The following GALNT13 variants were observed in gnomAD, a reference collection of about 807,000 sequenced individuals.
The protein encoded by GALNT13 is polypeptide N-acetylgalactosaminyltransferase 13, also known as UDP-GalNAc:polypeptide N-acetylgalactosaminyltransferase 13.
In GALNT13, 28 loss-of-function variants were observed where a neutral mutation model predicts 64.2. That is an observed-to-expected ratio of 0.44 (90% CI 0.32 to 0.60). The LOEUF is 0.60. Ranked by LOEUF, GALNT13 falls within the 20% of genes least tolerant of loss-of-function variation. The pLI, the probability that GALNT13 is intolerant of heterozygous loss-of-function variation, is 0.05. For synonymous variants in GALNT13, 214 were observed against 224.6 expected (o/e 0.95, Z 0.42); for missense variants, 577 against 669.8 (o/e 0.86, Z 1.53).
At chr2:153,838,757 T>A in the GALNT13 span, among the ~76,000 whole-genome samples, 4 of 151,890 alleles carry the variant, frequency 2.6e-5, no homozygotes, top group African/African-American at 9.7e-5. Context: ...TACTCAGGGA[T>A]CTATTCAGGA....
At chr2:153,914,425 A>T (rs1390503149) in intron 2 of GALNT13, among the ~76,000 whole-genome samples, 2 of 146,954 alleles carry the variant, frequency 1.4e-5, no homozygotes, top group African/African-American at 2.5e-5. Flanking sequence ...GCAAAGTTAC[A>T]GTGAGCTGAG....
In GALNT13 at chr2:154,113,018, T is replaced by C. The variant is rs199596748; in HGVS notation, c.143-27319T>C. ...GAATGCTGCTGCACACAACCCACTT[T>C]ATGGCTAGATGGGTCAGAAAGCACC... On this transcript the variant is annotated intron_variant, in intron 3 of 12. Transcript: ENST00000392825. Among the ~76,000 whole-genome samples the C allele has an allele frequency of 1.1e-4, 17 of 152,236 alleles. No homozygotes were observed. In the East Asian group the frequency reaches 2.9e-3, roughly 26 times the overall value.
At chr2:153,123,973 G>T in the GALNT13 span, among the ~76,000 whole-genome samples, 1 of 152,158 alleles carries the variant, frequency 6.6e-6, no homozygotes. Context: ...ACATATCAAT[G>T]CTAAGATGAG....
At position 154,216,454 on chromosome 2, in the gene GALNT13, T is replaced by A. The variant is rs142854080; in HGVS notation, c.312-25576T>A. Among the ~76,000 whole-genome samples, 709 of 152,226 alleles carry A rather than the reference T, an allele frequency of 4.7e-3. 5 individuals carry two copies. The highest frequency in any genetic ancestry group is 0.016 in the African/African-American group (652 of 41,562). ...GGTGAAGATGTAGTTGTTTTATAGA[T>A]CCCATTTTCTCAATACGAAGCAAAT... On this transcript the variant is annotated intron_variant, in intron 4 of 12. Transcript: ENST00000392825.
chr2:154,338,846 T>C (rs1480610167), intron 9 of GALNT13, among the ~76,000 whole-genome samples: 1 of 152,006 alleles, frequency 6.6e-6, no homozygotes, highest in Non-Finnish European at 1.5e-5. Context: ...AAAGGCAGGC[T>C]CCCTCATGAG....
the GALNT13 span, among the ~76,000 whole-genome samples, chr2:153,252,499 G>T: frequency 1.8e-3 from 270 of 149,920 alleles, 6 homozygotes; most frequent in East Asian, 0.041. Flanking sequence ...GTCAATTTTG[G>T]CTTTTGTTGC....
chr2:153,567,329 G>A, the GALNT13 span, among the ~76,000 whole-genome samples: 1 of 152,216 alleles, frequency 6.6e-6, no homozygotes, highest in Non-Finnish European at 1.5e-5. Flanking sequence ...AATCAGCAGT[G>A]TGAGGAATTC....
At chr2:154,251,193 G>A (rs75931422) in intron 7 of GALNT13, among the ~76,000 whole-genome samples, 3,224 of 152,096 alleles carry the variant, frequency 0.021, 79 homozygotes, top group African/African-American at 0.065. Flanking sequence ...GAATAATTTT[G>A]TCACATGAAC....
chr2:153,779,722 G>C, the GALNT13 span, among the ~76,000 whole-genome samples: 1 of 152,066 alleles, frequency 6.6e-6, no homozygotes, highest in Non-Finnish European at 1.5e-5. Context: ...AATTTCTCAT[G>C]AGTGATGGTT....
At chr2:153,264,496 A>C in the GALNT13 span, among the ~76,000 whole-genome samples, 1 of 152,246 alleles carries the variant, frequency 6.6e-6, no homozygotes, top group Admixed American at 6.5e-5. Flanking sequence ...TTGTATGCTC[A>C]TTGTAACACT....
At chr2:153,235,484 C>A in the GALNT13 span, among the ~76,000 whole-genome samples, 6 of 152,076 alleles carry the variant, frequency 3.9e-5, no homozygotes, top group African/African-American at 1.4e-4. Context: ...TCTGGGTGGT[C>A]TGCTGGCAGC....
At chr2:153,712,633 G>A in the GALNT13 span, among the ~76,000 whole-genome samples, 153 of 152,210 alleles carry the variant, frequency 1.0e-3, no homozygotes, top group Middle Eastern at 3.4e-3. Context: ...TTGCAGAGGT[G>A]AGACTAGAAA....
the GALNT13 span, among the ~76,000 whole-genome samples, chr2:153,370,399 CA>C: frequency 6.6e-6 from 1 of 151,954 alleles, no homozygotes; most frequent in African/African-American, 2.4e-5. Flanking sequence ...CTCATGAACC[CA>C]GATACAAAAA....
At chr2:154,447,467 T>C (rs1267243652) in intron 12 of GALNT13, among the ~76,000 whole-genome samples, 1 of 151,996 alleles carries the variant, frequency 6.6e-6, no homozygotes, top group Admixed American at 6.6e-5. Context: ...GTCAACAAAC[T>C]GATATGGAAT....
chr2:154,394,077 CAA>C (rs369267777), intron 9 of GALNT13, among the ~76,000 whole-genome samples: 7 of 32,006 alleles, frequency 2.2e-4, no homozygotes, highest in South Asian at 4.7e-3. Flanking sequence ...GACTCCGTCT[CAA>C]AAAAAAAAAA....
intron 3 of GALNT13, among the ~76,000 whole-genome samples, chr2:154,073,364 A>C (rs968562908): frequency 2.6e-5 from 4 of 151,956 alleles, no homozygotes; most frequent in African/African-American, 9.7e-5. Flanking sequence ...TTTTCTGTGA[A>C]AATATAGGAA....
In GALNT13 at chr2:153,944,617, A is replaced by G; in HGVS notation, c.120A>G (p.Arg40=). 1.2e-6 allele frequency: 2 copies of G among 1,613,336 alleles called. No homozygotes were observed. The highest frequency in any genetic ancestry group is 8.5e-7 in the Non-Finnish European group (1 of 1,179,502). Residue 40 remains arginine, a synonymous_variant, in exon 3 of 13, where the codon AGA becomes AGG. Coordinates refer to ENST00000392825, the MANE Select transcript of GALNT13 (RefSeq NM_052917.4). ...ECNKCDDKKE[R]SLLPALRAVI... ...ACAAATGTGATGACAAGAAGGAGAG[A>G]TCTCTGCTGCCTGCATTGAGGGGTA...
the GALNT13 span, among the ~76,000 whole-genome samples, chr2:153,290,853 C>T: frequency 1.3e-5 from 2 of 152,000 alleles, no homozygotes; most frequent in South Asian, 2.1e-4. Flanking sequence ...TTCAGTGTTG[C>T]CCATTTGTGA....
chr2:153,258,833 A>G, the GALNT13 span, among the ~76,000 whole-genome samples: 1 of 152,146 alleles, frequency 6.6e-6, no homozygotes, highest in Non-Finnish European at 1.5e-5. Flanking sequence ...TACTTGATAT[A>G]ATTTCATTTT....
Sources: allele counts gnomAD v4.1 joint callset (sites outside exome capture counted in the v4.1 genomes callset), GRCh38; gene constraint gnomAD v4.1.1; transcripts MANE v1.5; gene names NCBI Gene and HGNC (gene_info 2026-07-23, HGNC 2026-07-21).